Variants in PKHD1L1 observed in about 807,000 individuals in gnomAD.
The protein encoded by PKHD1L1 is PKHD1 like 1.
A neutral mutation model predicts 462.9 loss-of-function variants in PKHD1L1; 434 were observed. That is an observed-to-expected ratio of 0.94 (90% CI 0.87 to 1.02). The LOEUF is 1.02. Ranked by LOEUF, PKHD1L1 falls within the 50% of genes least tolerant of loss-of-function variation. The probability of loss-of-function intolerance (pLI) is 0.00; values close to 1 mark genes in which losing one functional copy is unlikely to be tolerated. For synonymous variants in PKHD1L1, 1,781 were observed against 1,750.0 expected (o/e 1.02, Z -0.44); for missense variants, 5,202 against 5,096.1 (o/e 1.02, Z -0.63).
At chr8:109,437,145 A>G (rs1815464871) in intron 30 of PKHD1L1, among the ~76,000 whole-genome samples, 1 of 151,854 alleles carries the variant, frequency 6.6e-6, no homozygotes, top group Non-Finnish European at 1.5e-5. Flanking sequence ...CAATCTCTTG[A>G]CCTTGTGATC....
chr8:109,470,523 G>A (rs1817664107), intron 50 of PKHD1L1: 2 of 1,610,808 alleles, frequency 1.2e-6, no homozygotes, highest in Non-Finnish European at 1.7e-6. Flanking sequence ...GGGAAAAGAA[G>A]CAGGGATTTG....
At chr8:109,383,171 TACAATA>T (rs1812232151) in intron 4 of PKHD1L1, among the ~76,000 whole-genome samples, 3 of 84,226 alleles carry the variant, frequency 3.6e-5, no homozygotes, top group Non-Finnish European at 7.0e-5. Flanking sequence ...ATATAATATA[TACAATA>T]ATATATATAA....
At chr8:109,368,551 G>A (rs1213789600) in intron 2 of PKHD1L1, among the ~76,000 whole-genome samples, 2 of 152,108 alleles carry the variant, frequency 1.3e-5, no homozygotes, top group Non-Finnish European at 2.9e-5. Flanking sequence ...TATGTTATAG[G>A]TCTGGTTTAA....
rs1821076216 is a variant in PKHD1L1, at chr8:109,533,078, C to T, written c.*2988C>T. ...GGTAAAGCTGGGATTCAAACACAGA[C>T]AATTTAACTCCAGAGCCCAAATTCC... On this transcript the variant is annotated 3_prime_UTR_variant, in exon 78 of 78. Transcript: ENST00000378402. Among the ~76,000 whole-genome samples the T allele has an allele frequency of 6.6e-6, 1 of 152,220 alleles. No individual in the cohort carries two copies. The highest frequency in any genetic ancestry group is 2.4e-5 in the African/African-American group (1 of 41,462).
intron 67 of PKHD1L1, among the ~76,000 whole-genome samples, chr8:109,500,262 A>G (rs1003100430): frequency 6.6e-6 from 1 of 152,104 alleles, no homozygotes; most frequent in East Asian, 1.9e-4. Context: ...TCCCTAAACC[A>G]TAAATGATAC....
chr8:109,478,292 A>G (rs1818100764), intron 53 of PKHD1L1, among the ~76,000 whole-genome samples: 1 of 152,202 alleles, frequency 6.6e-6, no homozygotes, highest in Non-Finnish European at 1.5e-5. Flanking sequence ...ACTATGTGCC[A>G]GGCATTTTGG....
chr8:109,526,806 T>C lies in PKHD1L1; in HGVS notation c.12507T>C (p.Phe4169=). 1 of 1,554,470 alleles carries C rather than the reference T, an allele frequency of 6.4e-7. No homozygotes were observed. The highest frequency in any genetic ancestry group is 8.7e-7 in the Non-Finnish European group (1 of 1,148,484). The change falls in exon 77 of 78, where the codon TTT becomes TTC. Residue 4169 remains phenylalanine (F), a synonymous_variant. Transcript: ENST00000378402. ...LRTGKNYKIE[F]ILDNVVGVES... ...CAGGAAAAAATTATAAGATTGAATT[T>C]ATACTGGATAATGTTGTTGGGGTAG...
chr8:109,414,436 T>A (rs1814023646), intron 21 of PKHD1L1, among the ~76,000 whole-genome samples: 1 of 152,266 alleles, frequency 6.6e-6, no homozygotes. Context: ...TCATATAAAG[T>A]TTTTCTCATA....
intron 30 of PKHD1L1, 64 bp downstream of exon 30, chr8:109,436,523 T>C: frequency 1.3e-6 from 2 of 1,588,342 alleles, no homozygotes; most frequent in Non-Finnish European, 1.7e-6. Flanking sequence ...TTAGGAAACA[T>C]CTCAGTGGGG....
rs200396062 is a variant in PKHD1L1 at position 109,498,708 on chromosome 8, C to T, written c.10765C>T (p.Pro3589Ser). Residue 3589 changes from proline (P) to serine (S), a missense_variant, in exon 67 of 78, where the codon CCC becomes TCC. Around this residue, in one of 3 missense-constraint regions of PKHD1L1, gnomAD observed 4,497 missense variants for 4,336.8 expected, o/e 1.04. Transcript: ENST00000378402. The stretch of plus-strand genomic sequence containing the variant: ...CTTTGCTTCAGCTCATAACATGGCA[C>T]CCCGAAAGCCCCATGCAGGAATCAT... ...PTFASAHNMA[P>S]RKPHAGIMSY... The T allele has an allele frequency of 1.8e-4, 289 of 1,613,832 alleles. No individual in the cohort carries two copies. Among genetic ancestry groups the T allele is most frequent in the East Asian group, 2.9e-4 (13 of 44,886 alleles).
chr8:109,481,789 A>C (rs911607125), intron 56 of PKHD1L1, among the ~76,000 whole-genome samples: 4 of 151,832 alleles, frequency 2.6e-5, no homozygotes, highest in Admixed American at 6.6e-5. Context: ...AGGTTAAAAC[A>C]GATATAAATG....
intron 7 of PKHD1L1, 46 bp downstream of exon 7, chr8:109,388,596 T>C: frequency 7.8e-7 from 1 of 1,285,014 alleles, no homozygotes; most frequent in East Asian, 2.5e-5. Context: ...ATAGCAGATA[T>C]AAGCATACTA....
intron 2 of PKHD1L1, among the ~76,000 whole-genome samples, chr8:109,365,052 AT>A (rs1325101208): frequency 1.3e-5 from 2 of 152,210 alleles, no homozygotes; most frequent in African/African-American, 4.8e-5. Flanking sequence ...AGGAAAGGCA[AT>A]AGAAAACAAA....
chr8:109,506,950 T>C (rs1214329456), intron 68 of PKHD1L1, among the ~76,000 whole-genome samples: 3 of 152,130 alleles, frequency 2.0e-5, no homozygotes, highest in Non-Finnish European at 4.4e-5. Flanking sequence ...CAATCAACAC[T>C]CCAGGTAACT....
intron 67 of PKHD1L1, 75 bp downstream of exon 67, chr8:109,498,846 T>A: frequency 5.7e-6 from 7 of 1,235,210 alleles, no homozygotes; most frequent in Non-Finnish European, 5.6e-6. Flanking sequence ...TAATAATGTT[T>A]CATTGTTAGT....
chr8:109,418,865 C>T (rs971207492), intron 21 of PKHD1L1, among the ~76,000 whole-genome samples: 3 of 152,168 alleles, frequency 2.0e-5, no homozygotes, highest in Non-Finnish European at 2.9e-5. Context: ...ACTGCCAAGG[C>T]TACAAATAAA....
intron 9 of PKHD1L1, among the ~76,000 whole-genome samples, chr8:109,391,633 C>G (rs1335336572): frequency 6.6e-6 from 1 of 152,142 alleles, no homozygotes; most frequent in Non-Finnish European, 1.5e-5. Context: ...ATTTAACACT[C>G]AATCCTAATA....
At chr8:109,470,234 A>C in intron 50 of PKHD1L1, 2 of 1,286,538 alleles carry the variant, frequency 1.6e-6, no homozygotes, top group Non-Finnish European at 2.2e-6. Flanking sequence ...CCTTGTTGGA[A>C]ATACTCAGAT....
chr8:109,396,937 G>A (rs187317340), intron 11 of PKHD1L1, among the ~76,000 whole-genome samples: 16 of 152,284 alleles, frequency 1.1e-4, no homozygotes, highest in Non-Finnish European at 4.4e-5. Flanking sequence ...TGGATATTAA[G>A]CAACCTCATG....
Sources: gnomAD v4.1 joint callset for allele counts (sites outside exome capture counted in the v4.1 genomes callset) on GRCh38, gnomAD v4.1.1 for gene constraint, gnomAD v4.1.1 regional missense constraint, MANE v1.5 for transcripts, NCBI Gene and HGNC (gene_info 2026-07-23, HGNC 2026-07-21) for gene names.